The following SLC5A5 variants were observed in gnomAD, a reference collection of about 807,000 sequenced individuals.
SLC5A5 encodes solute carrier family 5 member 5, also known as sodium/iodide cotransporter.
In SLC5A5, 56 loss-of-function variants were observed where a neutral mutation model predicts 68.6. That is an observed-to-expected ratio of 0.82 (90% CI 0.66 to 1.02). The LOEUF is 1.02. Ranked by LOEUF, SLC5A5 falls within the 50% of genes least tolerant of loss-of-function variation. The pLI is 0.00. For synonymous variants in SLC5A5, 398 were observed against 373.0 expected, an observed-to-expected ratio of 1.07 and a Z score of -0.77; for missense variants, 807 against 859.8, an observed-to-expected ratio of 0.94 and a Z score of 0.77.
At chr19:17,881,920 C>A in intron 8 of SLC5A5, 40 bp from the exon 9 acceptor site, 1 of 1,490,818 alleles carries the variant, frequency 6.7e-7, no homozygotes, top group South Asian at 1.1e-5. Context: ...GACGGTCTCT[C>A]CATATGGCCT....
chr19:17,889,557 G>C (rs2030082704), intron 13 of SLC5A5, among the ~76,000 whole-genome samples: 1 of 151,926 alleles, frequency 6.6e-6, no homozygotes, highest in African/African-American at 2.4e-5. Flanking sequence ...CTGCAACCTT[G>C]AACTCCTGAG....
intron 5 of SLC5A5, among the ~76,000 whole-genome samples, chr19:17,876,589 C>T (rs912574318): frequency 4.0e-5 from 6 of 148,152 alleles, no homozygotes; most frequent in Middle Eastern, 3.7e-3. Context: ...TTAGGCTGGG[C>T]GCGGTGGCTC....
rs1331293877 is a variant in SLC5A5 at position 17,894,851 on chromosome 19, T to C, written c.*974T>C. The C allele has an allele frequency of 6.6e-6, 1 of 152,230 alleles. No homozygotes were observed. The highest frequency in any genetic ancestry group is 2.4e-5 in the African/African-American group (1 of 41,456). 9.4% of individuals were successfully genotyped at this position (152,230 alleles called of 1,614,324 possible). ...TGAGCTTACTTGGAAATAGGGTCTT[T>C]GCAGGTGTAACTGGTTAAATTAAAA... On this transcript the variant is annotated 3_prime_UTR_variant, in exon 15 of 15. Coordinates refer to ENST00000222248, the MANE Select transcript of SLC5A5 (RefSeq NM_000453.3).
intron 14 of SLC5A5, among the ~76,000 whole-genome samples, chr19:17,893,256 C>T (rs1056828220): frequency 1.6e-4 from 24 of 151,870 alleles, no homozygotes; most frequent in African/African-American, 4.6e-4. Flanking sequence ...GCATGCACCA[C>T]CGAGTCTGGT....
intron 13 of SLC5A5, 40 bp from the exon 14 acceptor site, chr19:17,890,846 A>G (rs201365655): frequency 1.7e-5 from 24 of 1,413,226 alleles, no homozygotes; most frequent in Non-Finnish European, 2.3e-5. Flanking sequence ...TGACCCCTTC[A>G]CTGAATGCCT....
chr19:17,873,531 G>A (rs2094299383), intron 1 of SLC5A5, among the ~76,000 whole-genome samples: 1 of 149,350 alleles, frequency 6.7e-6, no homozygotes, highest in Non-Finnish European at 1.5e-5. Flanking sequence ...GCCGAGGTGG[G>A]TGGATCACGA....
chr19:17,883,021 T>C (rs1013494317), intron 10 of SLC5A5, among the ~76,000 whole-genome samples: 4 of 152,000 alleles, frequency 2.6e-5, no homozygotes, highest in Non-Finnish European at 4.4e-5. Flanking sequence ...GACTTCACCA[T>C]GTTGGCCAGT....
chr19:17,889,441 G>GGAAGGAAGGAAGGAAC (rs1472885633), intron 13 of SLC5A5, among the ~76,000 whole-genome samples: 3 of 146,194 alleles, frequency 2.1e-5, no homozygotes, highest in African/African-American at 7.4e-5. Flanking sequence ...AAGGAAGGAA[G>GGAAGGAAGGAAGGAAC]GAAAGAGAAA....
At position 17,893,765 on chromosome 19, in the gene SLC5A5, C is replaced by T; in HGVS notation, c.1820C>T (p.Thr607Ile). 6.2e-7 allele frequency: 1 copy of T among 1,613,906 alleles called. No homozygotes were observed. The highest frequency in any genetic ancestry group is 1.7e-4 in the Middle Eastern group (1 of 6,058). The part of the protein sequence containing the change: ...GNKKPPGFLP[T>I]NEDRLFFLGQ... ...AAGAAGCCCCCTGGCTTCCTGCCCA[C>T]CAATGAGGATCGTCTGTTTTTCTTG... Residue 607 changes from threonine to isoleucine, a missense_variant, in exon 15 of 15, where the codon ACC becomes ATC. By Grantham distance (89) the Thr-to-Ile change is moderately conservative (BLOSUM62 -1). Transcript: ENST00000222248.
At chr19:17,878,988 A>AC (rs1184663424) in intron 7 of SLC5A5, among the ~76,000 whole-genome samples, 27 of 146,750 alleles carry the variant, frequency 1.8e-4, no homozygotes, top group African/African-American at 6.6e-4. Flanking sequence ...AAAAAAAAAA[A>AC]CAAAAAAAAA....
chr19:17,873,069 T>C (rs2094298281), intron 1 of SLC5A5, among the ~76,000 whole-genome samples: 1 of 152,204 alleles, frequency 6.6e-6, no homozygotes, highest in African/African-American at 2.4e-5. Flanking sequence ...TGCTTTCTTG[T>C]ATCTTGGGCA....
chr19:17,878,521 A>G (rs991211912), intron 7 of SLC5A5, among the ~76,000 whole-genome samples: 1 of 151,956 alleles, frequency 6.6e-6, no homozygotes, highest in African/African-American at 2.4e-5. Flanking sequence ...ATAAAATAAA[A>G]TAAAATAAAG....
At chr19:17,878,177 G>A (rs1380398457) in intron 7 of SLC5A5, 84 bp downstream of exon 7, 15 of 1,490,996 alleles carry the variant, frequency 1.0e-5, no homozygotes, top group Middle Eastern at 4.5e-4. Flanking sequence ...TCCTAGCAGA[G>A]GGAATGGCCT....
chr19:17,893,407 A>G (rs927858115), intron 14 of SLC5A5, among the ~76,000 whole-genome samples: 1 of 152,012 alleles, frequency 6.6e-6, no homozygotes, highest in African/African-American at 2.4e-5. Flanking sequence ...CCGGCCAGAA[A>G]TATTTATTTT....
At chr19:17,882,967 G>A (rs888512602) in intron 10 of SLC5A5, among the ~76,000 whole-genome samples, 6 of 152,234 alleles carry the variant, frequency 3.9e-5, no homozygotes, top group African/African-American at 1.4e-4. Flanking sequence ...ACAGGCGTGA[G>A]CCACCGCGCC....
chr19:17,873,317 C>G (rs936138774), intron 1 of SLC5A5, among the ~76,000 whole-genome samples: 3 of 151,550 alleles, frequency 2.0e-5, no homozygotes, highest in Non-Finnish European at 2.9e-5. Flanking sequence ...AAAAATTAGC[C>G]GGATGTGGTG....
In SLC5A5 at chr19:17,881,985, A is replaced by T. The variant is rs752274081; in HGVS notation, c.1084A>T (p.Met362Leu). 1.2e-6 allele frequency: 2 copies of T among 1,613,796 alleles called. No individual in the cohort carries two copies. The highest frequency in any genetic ancestry group is 2.7e-5 in the African/African-American group (2 of 74,930). ...CACAGCATCCACCAGCATCAATGCT[A>T]TGGCTGCAGTCACTGTAGAAGACCT... The part of the protein sequence containing the change: ...LSTASTSINA[M>L]AAVTVEDLIK... The change falls in exon 9 of 15, where the codon ATG becomes TTG. Residue 362 changes from methionine to leucine, a missense_variant. Met to Leu is a conservative substitution (Grantham distance 15, BLOSUM62 2). Coordinates refer to ENST00000222248, the MANE Select transcript of SLC5A5 (RefSeq NM_000453.3).
rs138700873 is a variant in SLC5A5, at chr19:17,893,634, C to A, written c.1768-79C>A. On this transcript the variant is annotated intron_variant, in intron 14 of 14. Coordinates refer to ENST00000222248, the MANE Select transcript of SLC5A5 (RefSeq NM_000453.3). The stretch of plus-strand genomic sequence containing the variant: ...CCCGTCCCGCCAGGTCATCAGTAGC[C>A]CATCTGGGAGATGAGCTGACACGGA... The A allele has an allele frequency of 1.2e-3, 1,666 of 1,406,416 alleles. 10 individuals carry two copies. In the African/African-American group the frequency reaches 0.017, roughly 14 times the overall value. The allele number at this position is 1,406,416 out of a possible 1,614,324, so 87.1% of individuals were successfully genotyped here. A position where few individuals can be genotyped will look rare whatever the true frequency, so the allele number is the denominator to read the frequency against.
intron 5 of SLC5A5, 26 bp downstream of exon 5, chr19:17,876,132 C>T (rs767657480): frequency 4.3e-6 from 7 of 1,612,672 alleles, no homozygotes; most frequent in African/African-American, 1.3e-5. Context: ...GAGGATACTC[C>T]AGCAGGATGG....
Sources: gnomAD v4.1 joint callset for allele counts (sites outside exome capture counted in the v4.1 genomes callset) on GRCh38, gnomAD v4.1.1 for gene constraint, MANE v1.5 for transcripts, NCBI Gene and HGNC (gene_info 2026-07-23, HGNC 2026-07-21) for gene names.